Variants in UBE2H observed in about 807,000 individuals in gnomAD.
UBE2H encodes ubiquitin-conjugating enzyme E2 H.
Under a neutral mutation model 29.0 loss-of-function variants are expected in UBE2H, and 3 were observed. The observed-to-expected ratio is 0.10, with a 90% confidence interval of 0.05 to 0.27. The LOEUF is 0.27. Among genes scored for constraint, UBE2H ranks in the 10% least tolerant of loss-of-function variants. UBE2H has a pLI of 1.00. For missense variants in UBE2H, 68 were observed against 228.2 expected, an observed-to-expected ratio of 0.30 and a Z score of 4.52; for synonymous variants, 69 against 82.9, an observed-to-expected ratio of 0.83 and a Z score of 0.91.
At chr7:129,904,141 T>C (rs1280235228) in intron 1 of UBE2H, among the ~76,000 whole-genome samples, 1 of 152,214 alleles carries the variant, frequency 6.6e-6, no homozygotes, top group Admixed American at 6.5e-5. Context: ...CTTACCTTTC[T>C]AGATACACTG....
intron 1 of UBE2H, among the ~76,000 whole-genome samples, chr7:129,937,441 T>C (rs1041157598): frequency 1.3e-5 from 2 of 152,232 alleles, no homozygotes; most frequent in Non-Finnish European, 2.9e-5. Context: ...TTATATGTTA[T>C]ATATAAAACT....
intron 1 of UBE2H, among the ~76,000 whole-genome samples, chr7:129,886,290 T>C (rs915266425): frequency 2.6e-5 from 4 of 152,216 alleles, no homozygotes; most frequent in African/African-American, 7.2e-5. Context: ...ATTTCACTTT[T>C]TAAAGTGCCA....
chr7:129,918,631 A>G (rs1356340067), intron 1 of UBE2H, among the ~76,000 whole-genome samples: 2 of 152,220 alleles, frequency 1.3e-5, no homozygotes, highest in East Asian at 3.8e-4. Flanking sequence ...GTACAAAGCT[A>G]TACCTATTCA....
At chr7:129,935,860 A>C (rs1807517686) in intron 1 of UBE2H, among the ~76,000 whole-genome samples, 1 of 152,152 alleles carries the variant, frequency 6.6e-6, no homozygotes, top group African/African-American at 2.4e-5. Flanking sequence ...ACCAGAGTTT[A>C]CTCTCCTAAT....
intron 1 of UBE2H, among the ~76,000 whole-genome samples, chr7:129,897,796 A>C (rs932815412): frequency 3.3e-5 from 5 of 152,198 alleles, no homozygotes; most frequent in Admixed American, 6.5e-5. Context: ...AACAGTGTTT[A>C]AAAAAATCAA....
chr7:129,887,110 A>G (rs1431938183), intron 1 of UBE2H, among the ~76,000 whole-genome samples: 1 of 152,164 alleles, frequency 6.6e-6, no homozygotes, highest in Non-Finnish European at 1.5e-5. Flanking sequence ...TTAAAACCTA[A>G]TAACATAGTT....
intron 1 of UBE2H, among the ~76,000 whole-genome samples, chr7:129,916,854 G>A (rs1357424164): frequency 2.6e-5 from 4 of 152,096 alleles, no homozygotes; most frequent in African/African-American, 4.8e-5. Context: ...TGGCTAACAC[G>A]GTGAAACCCC....
chr7:129,938,706 CA>C (rs566095922), intron 1 of UBE2H, among the ~76,000 whole-genome samples: 164 of 124,726 alleles, frequency 1.3e-3, no homozygotes, highest in African/African-American at 3.0e-3. Context: ...AACTTCGTCT[CA>C]AAAAAAAAAA....
At chr7:129,844,444 T>A (rs982398265) in intron 5 of UBE2H, among the ~76,000 whole-genome samples, 8 of 152,164 alleles carry the variant, frequency 5.3e-5, no homozygotes, top group Non-Finnish European at 7.4e-5. Context: ...TGTAGAAAAA[T>A]AAAGAACACT....
intron 3 of UBE2H, among the ~76,000 whole-genome samples, chr7:129,869,178 T>A (rs899031090): frequency 3.9e-5 from 6 of 152,056 alleles, no homozygotes; most frequent in Non-Finnish European, 8.8e-5. Context: ...CCTCAGGTGA[T>A]CCGCCTGCCT....
At chr7:129,865,094 T>C in intron 3 of UBE2H, 2 of 434,552 alleles carry the variant, frequency 4.6e-6, no homozygotes, top group Non-Finnish European at 9.1e-6. Flanking sequence ...TCACACTTAA[T>C]GTAAAACTAT....
At chr7:129,913,793 C>T (rs989646147) in intron 1 of UBE2H, among the ~76,000 whole-genome samples, 1 of 151,810 alleles carries the variant, frequency 6.6e-6, no homozygotes, top group Non-Finnish European at 1.5e-5. Flanking sequence ...AAGAGCCAGA[C>T]CCTGTCTCTC....
chr7:129,946,568 C>A (rs889170719), intron 1 of UBE2H, among the ~76,000 whole-genome samples: 1 of 152,018 alleles, frequency 6.6e-6, no homozygotes, highest in African/African-American at 2.4e-5. Flanking sequence ...CTTCTTAGAC[C>A]CCACCCTAGA....
chr7:129,839,251 G>C lies in UBE2H; in HGVS notation c.383C>G (p.Ala128Gly). 1 of 1,613,982 alleles carries C rather than the reference G, an allele frequency of 6.2e-7. No individual in the cohort carries two copies. Among genetic ancestry groups the C allele is most frequent in the Non-Finnish European group, 8.5e-7 (1 of 1,179,964 alleles). Residue 128 changes from alanine (A) to glycine (G), a missense_variant, in exon 6 of 7, where the codon GCC becomes GGC. Coordinates refer to ENST00000355621, the MANE Select transcript of UBE2H (RefSeq NM_003344.4). ...TTCTTCTGGTCGGTGGAGGTACATG[G>C]CTGCAGCGTCACCATTGAGAGGATC... ...PIDPLNGDAA[A>G]MYLHRPEEYK...
Position 129,868,477 on chromosome 7 carries a change from G to C in UBE2H, c.206-9536C>G, listed in dbSNP as rs1276922256. On this transcript the variant is annotated intron_variant, in intron 3 of 6. Coordinates refer to ENST00000355621, the MANE Select transcript of UBE2H (RefSeq NM_003344.4). ...CGCCTGTAGTCCCAGCTACTCGGGA[G>C]GCTGAGGCAGGAGAATGGCGTGAAC... 2.0e-5 allele frequency among the ~76,000 whole-genome samples: 3 copies of C among 150,088 alleles called. No homozygotes were observed. In the South Asian group the frequency reaches 6.3e-4, roughly 32 times the overall value.
intron 3 of UBE2H, among the ~76,000 whole-genome samples, chr7:129,865,291 T>G (rs1238986732): frequency 6.6e-6 from 1 of 152,192 alleles, no homozygotes; most frequent in Non-Finnish European, 1.5e-5. Context: ...TTTCAGCCTC[T>G]GTGTCCAGTC....
chr7:129,933,547 C>G (rs1403962685), intron 1 of UBE2H, among the ~76,000 whole-genome samples: 2 of 152,152 alleles, frequency 1.3e-5, no homozygotes, highest in African/African-American at 4.8e-5. Context: ...CATTGAATAA[C>G]CTATAAGGTA....
chr7:129,941,929 G>A (rs1381959701), intron 1 of UBE2H, among the ~76,000 whole-genome samples: 3 of 149,832 alleles, frequency 2.0e-5, no homozygotes, highest in East Asian at 4.1e-4. Context: ...ATTAACTTAA[G>A]GCCAGGCACA....
chr7:129,916,474 TAAAA>T (rs3043708), intron 1 of UBE2H, among the ~76,000 whole-genome samples: 6 of 139,026 alleles, frequency 4.3e-5, no homozygotes, highest in Admixed American at 1.4e-4. Flanking sequence ...TTCTAACAAT[TAAAA>T]AAAAAAAAAA....
Sources: gnomAD v4.1 joint callset for allele counts (sites outside exome capture counted in the v4.1 genomes callset) on GRCh38, gnomAD v4.1.1 for gene constraint, MANE v1.5 for transcripts, NCBI Gene and HGNC (gene_info 2026-07-23, HGNC 2026-07-21) for gene names.